BABAM2: variants seen among roughly 807,000 people sequenced by gnomAD.
The protein encoded by BABAM2 is BRISC and BRCA1-A complex member 2.
In BABAM2, 31 loss-of-function variants were observed where a neutral mutation model predicts 54.7. That is an observed-to-expected ratio of 0.57 (90% CI 0.43 to 0.77). The LOEUF (loss-of-function observed/expected upper bound fraction) is 0.77. Ranked by LOEUF, BABAM2 falls within the 30% of genes least tolerant of loss-of-function variation. BABAM2 has a pLI of 0.00. For synonymous variants in BABAM2, 167 were observed against 162.9 expected (o/e 1.03, Z -0.19); for missense variants, 364 against 455.8 (o/e 0.80, Z 1.83).
At chr2:28,113,738 G>C (rs1440134458) in intron 6 of BABAM2, among the ~76,000 whole-genome samples, 1 of 152,122 alleles carries the variant, frequency 6.6e-6, no homozygotes, top group Non-Finnish European at 1.5e-5. Context: ...AATTACTTTG[G>C]GCAGTAGGGC....
chr2:28,333,184 C>G (rs894575255), intron 11 of BABAM2, among the ~76,000 whole-genome samples: 3 of 152,104 alleles, frequency 2.0e-5, no homozygotes, highest in Non-Finnish European at 4.4e-5. Context: ...ATTCACTCCT[C>G]ACAAGAACCC....
chr2:28,311,852 A>T (rs987919233), intron 11 of BABAM2, among the ~76,000 whole-genome samples: 4 of 152,248 alleles, frequency 2.6e-5, no homozygotes, highest in African/African-American at 9.6e-5. Flanking sequence ...AATTAAGTAC[A>T]CCGTGTACGT....
chr2:27,998,331 A>T (rs116711957), intron 4 of BABAM2, among the ~76,000 whole-genome samples: 1 of 151,944 alleles, frequency 6.6e-6, no homozygotes, highest in East Asian at 1.9e-4. Flanking sequence ...TATTATTAGC[A>T]TTCGAAATAC....
intron 6 of BABAM2, among the ~76,000 whole-genome samples, chr2:28,074,450 C>T (rs1020376657): frequency 6.6e-6 from 1 of 152,150 alleles, no homozygotes; most frequent in Non-Finnish European, 1.5e-5. Context: ...TTGAAAACCA[C>T]TGAATATTCA....
intron 3 of BABAM2, among the ~76,000 whole-genome samples, chr2:27,930,848 A>G (rs1217262849): frequency 6.6e-6 from 1 of 152,182 alleles, no homozygotes; most frequent in East Asian, 1.9e-4. Context: ...TGGTAATCTC[A>G]CCAGGAATTT....
intron 10 of BABAM2, among the ~76,000 whole-genome samples, chr2:28,250,891 G>T (rs116647811): frequency 0.019 from 2,883 of 152,132 alleles, 40 homozygotes; most frequent in South Asian, 0.046. Context: ...GAGCCACCAC[G>T]CCCAGCCACA....
chr2:28,144,938 CG>C (rs1159420280), intron 7 of BABAM2, among the ~76,000 whole-genome samples: 1 of 152,206 alleles, frequency 6.6e-6, no homozygotes, highest in African/African-American at 2.4e-5. Context: ...GAGGGGGCTC[CG>C]GACCATGGAG....
rs377719051 is a variant in BABAM2 at position 28,049,700 on chromosome 2, A to G, written c.570+3901A>G. Reference sequence around the variant, plus strand: ...GGCTGTACTGATCAGTCAGGGCACAATCAGTGCAGAGCCCAGGTCACTCTG... The same window carrying G: ...GGCTGTACTGATCAGTCAGGGCACAGTCAGTGCAGAGCCCAGGTCACTCTG... On this transcript the variant is annotated intron_variant, in intron 6 of 11. Coordinates refer to ENST00000379624, the MANE Select transcript of BABAM2 (RefSeq NM_199191.3). Among the ~76,000 whole-genome samples, 19 of 152,366 alleles carry G rather than the reference A, an allele frequency of 1.2e-4. 1 individual carries two copies. Among genetic ancestry groups the G allele is most frequent in the African/African-American group, 4.3e-4 (18 of 41,584 alleles).
At chr2:27,893,660 G>A (rs1411603816) in intron 1 of BABAM2, among the ~76,000 whole-genome samples, 1 of 152,152 alleles carries the variant, frequency 6.6e-6, no homozygotes. Flanking sequence ...ACGTAAGCAG[G>A]TAGTTATACT....
chr2:28,164,876 G>C (rs377586854), intron 7 of BABAM2, among the ~76,000 whole-genome samples: 1 of 152,146 alleles, frequency 6.6e-6, no homozygotes, highest in Middle Eastern at 3.4e-3. Context: ...AGATTTTCCC[G>C]TATGCTTCAG....
At chr2:28,301,858 A>G (rs1358136180) in intron 11 of BABAM2, among the ~76,000 whole-genome samples, 4 of 152,154 alleles carry the variant, frequency 2.6e-5, no homozygotes, top group Admixed American at 2.0e-4. Context: ...GGCTTTGCAT[A>G]TATATCTTTT....
At chr2:28,173,108 T>A (rs1674538074) in intron 7 of BABAM2, among the ~76,000 whole-genome samples, 1 of 152,150 alleles carries the variant, frequency 6.6e-6, no homozygotes, top group African/African-American at 2.4e-5. Flanking sequence ...GTTAATTACA[T>A]CCCAGAGATA....
intron 3 of BABAM2, among the ~76,000 whole-genome samples, chr2:27,976,061 A>G (rs1450144423): frequency 6.6e-6 from 1 of 152,148 alleles, no homozygotes; most frequent in African/African-American, 2.4e-5. Flanking sequence ...TGACCATATT[A>G]AATGTTGGCA....
chr2:27,970,396 T>G (rs1445542389), intron 3 of BABAM2, among the ~76,000 whole-genome samples: 4 of 152,232 alleles, frequency 2.6e-5, no homozygotes, highest in Non-Finnish European at 4.4e-5. Flanking sequence ...CAACCCTTTA[T>G]TTAATCTATC....
rs898219286 is a variant in BABAM2 at position 28,072,179 on chromosome 2, C to CT, written c.570+26392dup. Among the ~76,000 whole-genome samples the CT allele has an allele frequency of 2.3e-3, 333 of 144,162 alleles. 2 individuals are homozygous for CT. In the East Asian group the frequency reaches 0.026, roughly 11 times the overall value. The allele number at this position is 144,162 out of a possible 152,430, so 94.6% of individuals were successfully genotyped here. A position where few individuals can be genotyped will look rare whatever the true frequency, so the allele number is the denominator to read the frequency against. On this transcript the variant is annotated intron_variant, in intron 6 of 11. Coordinates refer to ENST00000379624, the MANE Select transcript of BABAM2 (RefSeq NM_199191.3). ...GGGATTACAGATGTGAGCCTGGATT[C>CT]TTTTTTTTTTTTGAGATGAAGTCTC...
rs1558667411 is a variant in BABAM2 at position 28,026,879 on chromosome 2, T to TAG, written c.495+1460_495+1461insGA. Among the ~76,000 whole-genome samples, 80 of 57,446 alleles carry TAG rather than the reference T, an allele frequency of 1.4e-3. 2 individuals are homozygous for TAG. Among genetic ancestry groups the TAG allele is most frequent in the African/African-American group, 5.6e-3 (76 of 13,612 alleles). The allele number at this position is 57,446 out of a possible 152,430, so 37.7% of individuals were successfully genotyped here. A position where few individuals can be genotyped will look rare whatever the true frequency, so the allele number is the denominator to read the frequency against. On this transcript the variant is annotated intron_variant, in intron 5 of 11. Transcript: ENST00000379624. Reference sequence around the variant, plus strand: ...ATATATATAGATATATATATTTATATATATATAGATATATATAAATATATA... The same window carrying TAG: ...ATATATATAGATATATATATTTATATAGATATATAGATATATATAAATATATA...
At chr2:27,930,496 C>T (rs1004582622) in intron 3 of BABAM2, 1 of 152,304 alleles carries the variant, frequency 6.6e-6, no homozygotes, top group African/African-American at 2.4e-5. Context: ...CTGGGACGCC[C>T]TGTCACTTAA....
chr2:28,319,630 C>T (rs1218254307), intron 11 of BABAM2, among the ~76,000 whole-genome samples: 1 of 152,264 alleles, frequency 6.6e-6, no homozygotes, highest in Non-Finnish European at 1.5e-5. Flanking sequence ...TTCAGCAACA[C>T]TGCAAGGCAA....
At chr2:28,333,737 T>G (rs981485895) in intron 11 of BABAM2, among the ~76,000 whole-genome samples, 34 of 152,322 alleles carry the variant, frequency 2.2e-4, no homozygotes, top group African/African-American at 8.2e-4. Flanking sequence ...GTGAGGAGCT[T>G]GACACTCAGG....
Sources: allele counts gnomAD v4.1 joint callset (sites outside exome capture counted in the v4.1 genomes callset), GRCh38; gene constraint gnomAD v4.1.1; transcripts MANE v1.5; gene names NCBI Gene and HGNC (gene_info 2026-07-23, HGNC 2026-07-21).